Variants in HNF1B observed in about 807,000 individuals in gnomAD.
HNF1B encodes the protein HNF1 homeobox B.
HNF1B carries 8 observed loss-of-function variants against 61.7 expected under a neutral mutation model. That is an observed-to-expected ratio of 0.13 (90% confidence interval 0.08 to 0.23). The LOEUF is 0.23. Among genes scored for constraint, HNF1B ranks in the 10% least tolerant of loss-of-function variants. The pLI is 1.00. For synonymous variants in HNF1B, 314 were observed against 287.7 expected, an observed-to-expected ratio of 1.09 and a Z score of -0.93; for missense variants, 562 against 714.5, an observed-to-expected ratio of 0.79 and a Z score of 2.43.
chr17:37,715,650 C>T (rs1000870371), intron 4 of HNF1B, among the ~76,000 whole-genome samples: 2 of 152,198 alleles, frequency 1.3e-5, no homozygotes, highest in African/African-American at 4.8e-5. Flanking sequence ...TATGGAGTCA[C>T]ATCTTTTCCT....
rs79565492 is a variant in HNF1B at position 37,734,614 on chromosome 17, C to T, written c.545-793G>A. Among the ~76,000 whole-genome samples the T allele has an allele frequency of 1.1e-4, 17 of 152,210 alleles. No individual in the cohort carries two copies. In the East Asian group the frequency reaches 2.9e-3, roughly 26 times the overall value. On this transcript the variant is annotated intron_variant, in intron 2 of 8. Coordinates refer to ENST00000617811, the MANE Select transcript of HNF1B (RefSeq NM_000458.4). ...TAATGAGATTTGATATCTACATTAC[C>T]GAAGAAGAAAGCTTTGCTGTCCTCG...
At chr17:37,717,358 C>CT (rs1250396964) in intron 4 of HNF1B, among the ~76,000 whole-genome samples, 7 of 152,224 alleles carry the variant, frequency 4.6e-5, no homozygotes, top group African/African-American at 1.7e-4. Flanking sequence ...GGCTGGGGCT[C>CT]TGTCACACAC....
chr17:37,731,894 C>T, intron 3 of HNF1B, 64 bp from the exon 4 acceptor site: 1 of 1,034,706 alleles, frequency 9.7e-7, no homozygotes. Flanking sequence ...GGTGCTTGGC[C>T]AAAAACACAC....
chr17:37,744,739 G>A lies in HNF1B; in HGVS notation c.146C>T (p.Ser49Phe). The A allele has an allele frequency of 6.2e-7, 1 of 1,613,512 alleles. No individual in the cohort carries two copies. The highest frequency in any genetic ancestry group is 8.5e-7 in the Non-Finnish European group (1 of 1,180,030). Residue 49 changes from serine (S) to phenylalanine (F), a missense_variant, in exon 1 of 9, where the codon TCC becomes TTC. Coordinates refer to ENST00000617811, the MANE Select transcript of HNF1B (RefSeq NM_000458.4). ...GTCGGGCTCGGCCCCGCTGCCAGGG[G>A]ACAGGGGCAGCGTCTCCAGCTTCAC... ...FGVKLETLPL[S>F]PGSGAEPDTK... is the part of the protein sequence containing the mutation.
intron 3 of HNF1B, 61 bp downstream of exon 3, chr17:37,733,496 G>A (rs1027480717): frequency 2.9e-5 from 46 of 1,589,164 alleles, no homozygotes; most frequent in Non-Finnish European, 3.8e-5. Flanking sequence ...CAGGACCGAG[G>A]GGAGGGTTCC....
intron 8 of HNF1B, among the ~76,000 whole-genome samples, chr17:37,698,321 C>T (rs1480184422): frequency 2.6e-5 from 4 of 152,148 alleles, no homozygotes; most frequent in African/African-American, 9.7e-5. Flanking sequence ...GTCCTGTTTT[C>T]TAACTCTCGG....
intron 2 of HNF1B, among the ~76,000 whole-genome samples, chr17:37,735,358 AT>A (rs1292308805): frequency 2.0e-5 from 3 of 151,936 alleles, no homozygotes; most frequent in Admixed American, 6.6e-5. Context: ...GCTCATTTCC[AT>A]TTTGCTCCAT....
chr17:37,689,609 A>G (rs1311885350), intron 8 of HNF1B, among the ~76,000 whole-genome samples: 2 of 152,264 alleles, frequency 1.3e-5, no homozygotes, highest in Non-Finnish European at 2.9e-5. Context: ...CTGGAGGCCC[A>G]GCACACGCAG....
chr17:37,718,121 T>A (rs1598824675), intron 4 of HNF1B, among the ~76,000 whole-genome samples: 1 of 149,212 alleles, frequency 6.7e-6, no homozygotes, highest in South Asian at 2.1e-4. Context: ...TTTTCTTATT[T>A]AAAAAAAAAA....
chr17:37,724,418 A>G (rs2033425038), intron 4 of HNF1B, among the ~76,000 whole-genome samples: 1 of 152,096 alleles, frequency 6.6e-6, no homozygotes, highest in Non-Finnish European at 1.5e-5. Context: ...GGATTTTTAA[A>G]TACTCCCTCG....
At chr17:37,728,313 T>G (rs1391232804) in intron 4 of HNF1B, among the ~76,000 whole-genome samples, 1 of 151,464 alleles carries the variant, frequency 6.6e-6, no homozygotes. Flanking sequence ...ACAGAGCGTT[T>G]TTTTTTTTTT....
chr17:37,734,581 A>T (rs2033780291), intron 2 of HNF1B, among the ~76,000 whole-genome samples: 1 of 152,168 alleles, frequency 6.6e-6, no homozygotes, highest in Non-Finnish European at 1.5e-5. Context: ...GCCTTAGCCC[A>T]CATGGTTTAA....
At chr17:37,721,113 G>A (rs575176329) in intron 4 of HNF1B, among the ~76,000 whole-genome samples, 2 of 152,262 alleles carry the variant, frequency 1.3e-5, no homozygotes, top group South Asian at 2.1e-4. Context: ...CAGTGGACAG[G>A]GCCAGAAGGC....
At chr17:37,693,004 C>G (rs963726108) in intron 8 of HNF1B, among the ~76,000 whole-genome samples, 1 of 151,852 alleles carries the variant, frequency 6.6e-6, no homozygotes, top group Non-Finnish European at 1.5e-5. Context: ...GCCTGGCCAA[C>G]ATAGTGAAAC....
chr17:37,733,750 A>G lies in HNF1B; in HGVS notation c.616T>C (p.Phe206Leu), dbSNP rs768611679. ...KSSQDQLLFL[F>L]PEFSQQSHGP... Reference sequence around the variant, plus strand: ...TGGCTCTGTTGACTGAACTCTGGAAAGAGAAACAGCAGCTGATCCTGACTG... The same window carrying G: ...TGGCTCTGTTGACTGAACTCTGGAAGGAGAAACAGCAGCTGATCCTGACTG... The change falls in exon 3 of 9, where the codon TTT (phenylalanine) becomes CTT (leucine). Residue 206 changes from phenylalanine to leucine, a missense_variant. By Grantham distance (22) the Phe-to-Leu change is conservative. Transcript: ENST00000617811. The G allele has an allele frequency of 6.2e-7, 1 of 1,614,232 alleles. No homozygotes were observed. The highest frequency in any genetic ancestry group is 8.5e-7 in the Non-Finnish European group (1 of 1,180,046).
At chr17:37,693,672 G>A (rs1306612760) in intron 8 of HNF1B, among the ~76,000 whole-genome samples, 4 of 152,150 alleles carry the variant, frequency 2.6e-5, no homozygotes, top group Non-Finnish European at 1.5e-5. Context: ...CCCCTCACTC[G>A]TATGTCCTTG....
At chr17:37,739,002 T>C (rs1463037490) in intron 2 of HNF1B, among the ~76,000 whole-genome samples, 1 of 152,236 alleles carries the variant, frequency 6.6e-6, no homozygotes, top group African/African-American at 2.4e-5. Context: ...TGATACTTTT[T>C]CCAGAGAGGA....
At position 37,690,045 on chromosome 17, in the gene HNF1B, A is replaced by C. The variant is rs141185447; in HGVS notation, c.1654-2653T>G. 2.1e-3 allele frequency among the ~76,000 whole-genome samples: 324 copies of C among 151,048 alleles called. 2 individuals are homozygous for C. The highest frequency in any genetic ancestry group is 7.5e-3 in the African/African-American group (310 of 41,066). On this transcript the variant is annotated intron_variant, in intron 8 of 8. Coordinates refer to ENST00000617811, the MANE Select transcript of HNF1B (RefSeq NM_000458.4). ...CACACACACACACACACACACTACA[A>C]CTTTAGGTGGAGATGAGCACTCCAT...
In HNF1B at chr17:37,744,851, G is replaced by A. The variant is rs1285239018; in HGVS notation, c.34C>T (p.Leu12Phe). ...VSKLTSLQQE[L>F]LSALLSSGVT... ...CCGGAGCTCAGCAGGGCGCTCAGGA[G>A]TTCTTGCTGGAGCGACGTGAGCTTG... Residue 12 changes from leucine to phenylalanine, a missense_variant, in exon 1 of 9, where the codon CTC (leucine) becomes TTC (phenylalanine). Physicochemically the swap from Leu to Phe is conservative, Grantham distance 22. This residue lies in a region of HNF1B where 148 missense variants were observed against 147.3 expected (regional missense o/e 1.00). Transcript: ENST00000617811. The A allele has an allele frequency of 2.9e-6, 4 of 1,360,716 alleles. No homozygotes were observed. The African/African-American group carries it at 6.2e-5, about 21-fold the overall frequency. The allele number at this position is 1,360,716 out of a possible 1,614,324, so 84.3% of individuals were successfully genotyped here.
Sources: allele counts gnomAD v4.1 joint callset (sites outside exome capture counted in the v4.1 genomes callset), GRCh38; gene constraint gnomAD v4.1.1; regional missense constraint gnomAD v4.1.1; transcripts MANE v1.5; gene names NCBI Gene and HGNC (gene_info 2026-07-23, HGNC 2026-07-21).